The following CDKL4 variants were observed in gnomAD, a reference collection of about 807,000 sequenced individuals.
CDKL4 encodes the protein cyclin dependent kinase like 4.
CDKL4 carries 44 observed loss-of-function variants against 42.0 expected under a neutral mutation model. That is an observed-to-expected ratio of 1.05 (90% confidence interval 0.82 to 1.35). The LOEUF (loss-of-function observed/expected upper bound fraction) is 1.35. Among genes scored for constraint, CDKL4 ranks in the 40% most tolerant of loss-of-function variants. The probability of loss-of-function intolerance (pLI) is 0.00; values close to 1 mark genes in which losing one functional copy is unlikely to be tolerated. For synonymous variants in CDKL4, 120 were observed against 121.6 expected (o/e 0.99, Z 0.09); for missense variants, 393 against 369.9 (o/e 1.06, Z -0.51).
chr2:39,236,694 A>C (rs1679393721), intron 1 of CDKL4, among the ~76,000 whole-genome samples: 1 of 151,348 alleles, frequency 6.6e-6, no homozygotes. Context: ...GCAAGAAAAA[A>C]GAAAGAAAGA....
intron 7 of CDKL4, among the ~76,000 whole-genome samples, chr2:39,185,363 T>C (rs1572947083): frequency 1.1e-5 from 1 of 92,884 alleles, no homozygotes. Flanking sequence ...TATATATACA[T>C]ATATATATAC....
In CDKL4 at chr2:39,203,527, T is replaced by C. The variant is rs531302592; in HGVS notation, c.454+1000A>G. On this transcript the variant is annotated intron_variant, in intron 5 of 9. Coordinates refer to ENST00000451199, the Ensembl canonical transcript of CDKL4. ...ACTATCATTCACTTAATTTCCTAAA[T>C]TGAGGGTCATATATATTTCAGTAAT... 2.1e-3 allele frequency among the ~76,000 whole-genome samples: 323 copies of C among 152,328 alleles called. 1 individual carries two copies. Among genetic ancestry groups the C allele is most frequent in the African/African-American group, 7.2e-3 (301 of 41,560 alleles).
intron 5 of CDKL4, among the ~76,000 whole-genome samples, chr2:39,193,805 T>A (rs1028423698): frequency 1.3e-5 from 2 of 152,214 alleles, no homozygotes; most frequent in African/African-American, 4.8e-5. Flanking sequence ...GGAATAGAAT[T>A]GGGACCAGTC....
chr2:39,229,298 T>A, intron 2 of CDKL4, 67 bp downstream of exon 2: 1 of 1,149,584 alleles, frequency 8.7e-7, no homozygotes, highest in Non-Finnish European at 1.2e-6. Flanking sequence ...TTAAAATTCT[T>A]TGCAATTTTA....
downstream of CDKL4, among the ~76,000 whole-genome samples, chr2:39,174,399 CA>C (rs34376013): frequency 5.4e-4 from 77 of 143,672 alleles, no homozygotes; most frequent in African/African-American, 1.8e-3. Flanking sequence ...GACCCTGTCT[CA>C]AAAAAAAAAA....
At chr2:39,208,641 C>T (rs189839974) in intron 4 of CDKL4, among the ~76,000 whole-genome samples, 6 of 151,942 alleles carry the variant, frequency 3.9e-5, no homozygotes, top group African/African-American at 1.4e-4. Context: ...CCATGCTTGG[C>T]CTTGTACACA....
intron 9 of CDKL4, chr2:39,178,582 G>A: frequency 6.4e-7 from 1 of 1,552,662 alleles, no homozygotes; most frequent in Non-Finnish European, 8.7e-7. Context: ...GAAAGCAAGT[G>A]AAGGACAGTC....
chr2:39,176,244 T>C, intron 9 of CDKL4, 148 bp from the exon 10 acceptor site: 1 of 329,166 alleles, frequency 3.0e-6, no homozygotes, highest in South Asian at 2.6e-5. Context: ...GGGTTACCTT[T>C]CCAAAAATTG....
chr2:39,169,702 G>T, the CDKL4 span, among the ~76,000 whole-genome samples: 1 of 152,140 alleles, frequency 6.6e-6, no homozygotes, highest in Non-Finnish European at 1.5e-5. Context: ...TTGTGTCAAG[G>T]ATACACAGAG....
In CDKL4 at chr2:39,190,213, T is replaced by C. The variant is rs1021668613; in HGVS notation, c.652+92A>G. 15 of 914,154 alleles carry C rather than the reference T, an allele frequency of 1.6e-5. No homozygotes were observed. The South Asian group carries it at 3.5e-4, about 22-fold the overall frequency. 56.6% of individuals were successfully genotyped at this position (914,154 alleles called of 1,614,324 possible). On this transcript the variant is annotated intron_variant, in intron 6 of 9. Coordinates refer to ENST00000451199, the Ensembl canonical transcript of CDKL4. ...CTTTGAAGAAGCAATAAAACTCTTG[T>C]TTTTTATTTTTATTTATTTATTTTT...
chr2:39,178,737 G>C (rs1277490763), intron 9 of CDKL4: 14 of 1,607,266 alleles, frequency 8.7e-6, no homozygotes, highest in Non-Finnish European at 1.2e-5. Flanking sequence ...AAAAAGCCTA[G>C]GAAAGGCAGA....
intron 4 of CDKL4, among the ~76,000 whole-genome samples, chr2:39,207,512 G>T (rs1349899503): frequency 6.6e-6 from 1 of 152,144 alleles, no homozygotes; most frequent in African/African-American, 2.4e-5. Flanking sequence ...GATTGCATTA[G>T]AACAGGTTAT....
intron 5 of CDKL4, among the ~76,000 whole-genome samples, chr2:39,199,758 G>C (rs1676737162): frequency 6.6e-6 from 1 of 152,090 alleles, no homozygotes; most frequent in Admixed American, 6.5e-5. Flanking sequence ...CTCAATAGAT[G>C]CAGAAAAAGC....
intron 3 of CDKL4, among the ~76,000 whole-genome samples, chr2:39,216,104 G>A (rs1423118128): frequency 2.0e-5 from 3 of 152,116 alleles, no homozygotes; most frequent in Non-Finnish European, 4.4e-5. Context: ...TTATAATCTT[G>A]AACACGTTAT....
intron 5 of CDKL4, among the ~76,000 whole-genome samples, chr2:39,203,453 G>GA (rs749153897): frequency 2.6e-5 from 4 of 151,872 alleles, no homozygotes; most frequent in Non-Finnish European, 2.9e-5. Context: ...GGATTTCCAG[G>GA]AAAAAAACCC....
intron 8 of CDKL4, among the ~76,000 whole-genome samples, chr2:39,181,589 T>C (rs1335185433): frequency 1.3e-5 from 2 of 152,202 alleles, no homozygotes; most frequent in Non-Finnish European, 2.9e-5. Context: ...AATGTTACCT[T>C]ATTTGGAAAT....
intron 3 of CDKL4, 88 bp downstream of exon 3, chr2:39,225,751 G>T: frequency 7.6e-7 from 1 of 1,319,788 alleles, no homozygotes; most frequent in Non-Finnish European, 1.0e-6. Context: ...GGGAATTGTG[G>T]CTGGGATTTG....
intron 1 of CDKL4, among the ~76,000 whole-genome samples, chr2:39,240,664 T>C (rs914852589): frequency 4.5e-5 from 6 of 134,152 alleles, no homozygotes; most frequent in African/African-American, 1.7e-4. Context: ...CTTGCTATAA[T>C]GTAGATGAAC....
intron 8 of CDKL4, 87 bp from the exon 9 acceptor site, chr2:39,179,408 A>G: frequency 9.2e-7 from 1 of 1,088,752 alleles, no homozygotes; most frequent in Non-Finnish European, 1.3e-6. Flanking sequence ...TTGCTAGGAT[A>G]AATATGAGTT....
Sources: gnomAD v4.1 joint callset for allele counts (sites outside exome capture counted in the v4.1 genomes callset) on GRCh38, gnomAD v4.1.1 for gene constraint, MANE v1.5 for transcripts, NCBI Gene and HGNC (gene_info 2026-07-23, HGNC 2026-07-21) for gene names.